The following PLEKHG3 variants were observed in gnomAD, a reference collection of about 807,000 sequenced individuals.
PLEKHG3 encodes pleckstrin homology and RhoGEF domain containing G3.
PLEKHG3 carries 62 observed loss-of-function variants against 94.9 expected under a neutral mutation model. The ratio of observed to expected loss-of-function variants is 0.65; its 90% CI spans 0.53 to 0.81. The LOEUF (loss-of-function observed/expected upper bound fraction) is 0.81, where lower values mean the gene tolerates loss of function less well. Among genes scored for constraint, PLEKHG3 ranks in the 30% least tolerant of loss-of-function variants. PLEKHG3 has a pLI of 0.00. For synonymous variants in PLEKHG3, 614 were observed against 654.0 expected (o/e 0.94, Z 0.93); for missense variants, 1,461 against 1,619.3 (o/e 0.90, Z 1.68).
chr14:64,746,874 T>C lies in PLEKHG3; in HGVS notation c.*3171T>C, dbSNP rs2081853021. Reference sequence around the variant, plus strand: ...GTTTGGGAATACTGTCAAAAGACTGTAGAGTAGAATAAGGAGAGAAAAAAA... The same window carrying C: ...GTTTGGGAATACTGTCAAAAGACTGCAGAGTAGAATAAGGAGAGAAAAAAA... On this transcript the variant is annotated 3_prime_UTR_variant, in exon 17 of 17. Coordinates refer to ENST00000247226, the MANE Select transcript of PLEKHG3 (RefSeq NM_001308147.2). This position sits in a 1 kb window ranked among gnomAD's most constrained non-coding sequence, Gnocchi z 4.9. 1 of 150,100 alleles carries C rather than the reference T, an allele frequency of 6.7e-6. No individual in the cohort carries two copies. Among genetic ancestry groups the C allele is most frequent in the Admixed American group, 6.6e-5 (1 of 15,104 alleles). The allele number at this position is 150,100 out of a possible 1,614,324, so 9.3% of individuals were successfully genotyped here.
chr14:64,737,368 G>C lies in PLEKHG3; in HGVS notation c.1397G>C (p.Gly466Ala), dbSNP rs1404403111. ...GTGATGTCTGCAGCCCGAGCAGCAGGAATGAAGGTAAAGGCCAGTGGGAGG... is the reference window on the plus strand; with the variant it reads ...GTGATGTCTGCAGCCCGAGCAGCAGCAATGAAGGTAAAGGCCAGTGGGAGG... ...RQLNEKARAA[G>A]MKGKGRRESE... Residue 466 changes from glycine to alanine, a missense_variant, in exon 14 of 17, where the codon GGA (glycine) becomes GCA (alanine). Transcript: ENST00000247226. The C allele has an allele frequency of 2.5e-6, 4 of 1,600,120 alleles. No individual in the cohort carries two copies. In the African/African-American group the frequency reaches 5.4e-5, roughly 21 times the overall value.
In PLEKHG3 at chr14:64,726,490, A is replaced by C. The variant is rs1378375895; in HGVS notation, c.-39-1103A>C. Among the ~76,000 whole-genome samples the C allele has an allele frequency of 2.0e-5, 3 of 152,160 alleles. No individual in the cohort carries two copies. The highest frequency in any genetic ancestry group is 7.2e-5 in the African/African-American group (3 of 41,420). ...TCTAAGGGGTGGGCATGGGTGTTGC[A>C]TGGGTGTCCCTGTCCTTCCCAAAGG... On this transcript the variant is annotated intron_variant, in intron 1 of 16. Coordinates refer to ENST00000247226, the MANE Select transcript of PLEKHG3 (RefSeq NM_001308147.2). The surrounding 1 kb of genome is among the most constrained non-coding windows in gnomAD (Gnocchi z 5.1).
At position 64,743,698 on chromosome 14, in the gene PLEKHG3, G is replaced by A. The variant is rs559791297; in HGVS notation, c.3655G>A (p.Gly1219Ser). Residue 1219 changes from glycine to serine, a missense_variant, in exon 17 of 17, where the codon GGT (glycine) becomes AGT (serine). Coordinates refer to ENST00000247226, the MANE Select transcript of PLEKHG3 (RefSeq NM_001308147.2). The surrounding 1 kb of genome is among the most constrained non-coding windows in gnomAD (Gnocchi z 7.2). Reference sequence around the variant, plus strand: ...GAAGTTCCAGGCCTTGAACTCTGTCGGTTGATGCTGACTCCTGGGGGAGGG... The same window carrying A: ...GAAGTTCCAGGCCTTGAACTCTGTCAGTTGATGCTGACTCCTGGGGGAGGG... ...REKFQALNSV[G>S] The A allele has an allele frequency of 2.8e-5, 43 of 1,544,040 alleles. No homozygotes were observed. The highest frequency in any genetic ancestry group is 3.1e-5 in the Non-Finnish European group (36 of 1,148,148).
intron 3 of PLEKHG3, among the ~76,000 whole-genome samples, chr14:64,729,468 A>G (rs1321124868): frequency 2.6e-5 from 4 of 152,074 alleles, no homozygotes; most frequent in African/African-American, 9.7e-5. Flanking sequence ...ACTGACCCCA[A>G]GGGCTCCCTG....
At chr14:64,736,503 C>G (rs1000334298) in intron 12 of PLEKHG3, among the ~76,000 whole-genome samples, 13 of 152,166 alleles carry the variant, frequency 8.5e-5, no homozygotes, top group African/African-American at 2.7e-4. Context: ...GGAGATGTTG[C>G]TAGTTGGTCT....
chr14:64,731,629 T>A lies in PLEKHG3; in HGVS notation c.1033-85T>A. 6.6e-7 allele frequency: 1 copy of A among 1,521,232 alleles called. No homozygotes were observed. Among genetic ancestry groups the A allele is most frequent in the Non-Finnish European group, 9.1e-7 (1 of 1,095,976 alleles). 94.2% of individuals were successfully genotyped at this position (1,521,232 alleles called of 1,614,324 possible). On this transcript the variant is annotated intron_variant, in intron 8 of 16. Transcript: ENST00000247226. This position sits in a 1 kb window ranked among gnomAD's most constrained non-coding sequence, Gnocchi z 6.1. ...CCCCTTCTTGTCTGCTTCTTGGGGC[T>A]CCAGCACCACCCTTCTGAGATCACC...
chr14:64,725,492 T>A lies in PLEKHG3; in HGVS notation c.-39-2101T>A, dbSNP rs1185290931. 6.6e-6 allele frequency among the ~76,000 whole-genome samples: 1 copy of A among 152,192 alleles called. No homozygotes were observed. The highest frequency in any genetic ancestry group is 1.9e-4 in the East Asian group (1 of 5,202). On this transcript the variant is annotated intron_variant, in intron 1 of 16. Coordinates refer to ENST00000247226, the MANE Select transcript of PLEKHG3 (RefSeq NM_001308147.2). The surrounding 1 kb of genome is among the most constrained non-coding windows in gnomAD (Gnocchi z 5.0). ...AGCTTGGGTTTTTATCTGTCAGTGCTGGAATGACATGGTGTTGCCCTGCCT... is the reference window on the plus strand; with the variant it reads ...AGCTTGGGTTTTTATCTGTCAGTGCAGGAATGACATGGTGTTGCCCTGCCT...
At position 64,732,025 on chromosome 14, in the gene PLEKHG3, A is replaced by G. The variant is rs2081476942; in HGVS notation, c.1126-70A>G. ...CCACTTTTTCTCCCTGGGTGGAAGC[A>G]CTGTCCATGCTAGACAGCTTCAGGC... On this transcript the variant is annotated intron_variant, in intron 9 of 16. Transcript: ENST00000247226. This position sits in a 1 kb window ranked among gnomAD's most constrained non-coding sequence, Gnocchi z 4.9. 5 of 1,172,268 alleles carry G rather than the reference A, an allele frequency of 4.3e-6. No homozygotes were observed. The South Asian group carries it at 4.9e-5, about 11-fold the overall frequency. The allele number at this position is 1,172,268 out of a possible 1,614,324, so 72.6% of individuals were successfully genotyped here. A position where few individuals can be genotyped will look rare whatever the true frequency, so the allele number is the denominator to read the frequency against.
chr14:64,716,505 A>ACACACACACACG lies in PLEKHG3; in HGVS notation c.-39-11077_-39-11076insGCACACACACAC, dbSNP rs2081162742. 7.9e-6 allele frequency among the ~76,000 whole-genome samples: 1 copy of ACACACACACACG among 126,780 alleles called. No homozygotes were observed. Among genetic ancestry groups the ACACACACACACG allele is most frequent in the African/African-American group, 3.2e-5 (1 of 30,894 alleles). 83.2% of individuals were successfully genotyped at this position (126,780 alleles called of 152,430 possible). A position where few individuals can be genotyped will look rare whatever the true frequency, so the allele number is the denominator to read the frequency against. ...CAACACACACACACACAACACACAC[A>ACACACACACACG]CACACACACACACACACACACACAC... On this transcript the variant is annotated intron_variant, in intron 1 of 16. Coordinates refer to ENST00000247226, the MANE Select transcript of PLEKHG3 (RefSeq NM_001308147.2). This position sits in a 1 kb window ranked among gnomAD's most constrained non-coding sequence, Gnocchi z 5.0.
At chr14:64,708,318 C>G (rs543300969) in intron 1 of PLEKHG3, among the ~76,000 whole-genome samples, 1 of 152,138 alleles carries the variant, frequency 6.6e-6, no homozygotes, top group African/African-American at 2.4e-5. Flanking sequence ...CCTGACCTCC[C>G]GACTCTGCCT....
In PLEKHG3 at chr14:64,728,858, T is replaced by G; in HGVS notation, c.352-138T>G. 1 of 510,748 alleles carries G rather than the reference T, an allele frequency of 2.0e-6. No individual in the cohort carries two copies. The highest frequency in any genetic ancestry group is 3.5e-6 in the Non-Finnish European group (1 of 285,418). The allele number at this position is 510,748 out of a possible 1,614,324, so 31.6% of individuals were successfully genotyped here. A position where few individuals can be genotyped will look rare whatever the true frequency, so the allele number is the denominator to read the frequency against. On this transcript the variant is annotated intron_variant, in intron 2 of 16. Coordinates refer to ENST00000247226, the MANE Select transcript of PLEKHG3 (RefSeq NM_001308147.2). This position sits in a 1 kb window ranked among gnomAD's most constrained non-coding sequence, Gnocchi z 5.9. ...TTCTGGGGTTCCAAGTGGACATGAATTTTGGGGTGGACACTGTCTCACAGT... is the reference window on the plus strand; with the variant it reads ...TTCTGGGGTTCCAAGTGGACATGAAGTTTGGGGTGGACACTGTCTCACAGT...
chr14:64,737,048 C>G, intron 13 of PLEKHG3, 157 bp downstream of exon 13: 1 of 708,510 alleles, frequency 1.4e-6, no homozygotes, highest in Non-Finnish European at 2.6e-6. Context: ...AGGGCCTCGC[C>G]CCTGGCTGGC....
chr14:64,731,207 TGG>T lies in PLEKHG3; in HGVS notation c.849+40_849+41del. ...TGGGACGCTGGGGGAGGGGCAGGGC[TGG>T]GTGGGCCAGGCTTCCGCTGGGAAGA... On this transcript the variant is annotated intron_variant, in intron 7 of 16. Transcript: ENST00000247226. This position sits in a 1 kb window ranked among gnomAD's most constrained non-coding sequence, Gnocchi z 6.1. 1 of 763,714 alleles carries T rather than the reference TGG, an allele frequency of 1.3e-6. No homozygotes were observed. Among genetic ancestry groups the T allele is most frequent in the Non-Finnish European group, 2.2e-6 (1 of 462,890 alleles). The allele number at this position is 763,714 out of a possible 1,614,324, so 47.3% of individuals were successfully genotyped here.
In PLEKHG3 at chr14:64,743,943, TA is replaced by T. The variant is rs2081775382; in HGVS notation, c.*243del. The stretch of plus-strand genomic sequence containing the variant: ...GAGGCCGGTGTGGCTGCTTCCCTTG[TA>T]AATAGTTGTTCTCTGGTAAGAAGCC... On this transcript the variant is annotated 3_prime_UTR_variant, in exon 17 of 17. Transcript: ENST00000247226. The surrounding 1 kb of genome is among the most constrained non-coding windows in gnomAD (Gnocchi z 7.2). The T allele has an allele frequency of 2.4e-6, 1 of 424,890 alleles. No individual in the cohort carries two copies. The highest frequency in any genetic ancestry group is 4.1e-5 in the Admixed American group (1 of 24,356). The allele number at this position is 424,890 out of a possible 1,614,324, so 26.3% of individuals were successfully genotyped here.
Position 64,722,749 on chromosome 14 carries a change from G to A in PLEKHG3, c.-39-4844G>A, listed in dbSNP as rs530278386. Among the ~76,000 whole-genome samples the A allele has an allele frequency of 9.2e-5, 14 of 152,298 alleles. No homozygotes were observed. In the South Asian group the frequency reaches 1.0e-3, roughly 11 times the overall value. ...TGGGGAGTCTGGTGTGCCCACCAGA[G>A]GGTTCACCCCCAAGTGTCCTCTTCC... On this transcript the variant is annotated intron_variant, in intron 1 of 16. Coordinates refer to ENST00000247226, the MANE Select transcript of PLEKHG3 (RefSeq NM_001308147.2). The surrounding 1 kb of genome is among the most constrained non-coding windows in gnomAD (Gnocchi z 4.3).
rs1167164031 is a variant in PLEKHG3 at position 64,744,888 on chromosome 14, TCTC to T, written c.*1186_*1188del. 6.6e-6 allele frequency: 1 copy of T among 151,572 alleles called. No individual in the cohort carries two copies. The highest frequency in any genetic ancestry group is 1.5e-5 in the Non-Finnish European group (1 of 67,942). 9.4% of individuals were successfully genotyped at this position (151,572 alleles called of 1,614,324 possible). A position where few individuals can be genotyped will look rare whatever the true frequency, so the allele number is the denominator to read the frequency against. On this transcript the variant is annotated 3_prime_UTR_variant, in exon 17 of 17. Coordinates refer to ENST00000247226, the MANE Select transcript of PLEKHG3 (RefSeq NM_001308147.2). ...TCCCAGGTTCAAGCAATTCTCGTTG[TCTC>T]AGCCTCCCAGGTCGCTGGGACTACA...
chr14:64,730,121 C>T lies in PLEKHG3; in HGVS notation c.450-122C>T, dbSNP rs758189979. On this transcript the variant is annotated intron_variant, in intron 3 of 16. Coordinates refer to ENST00000247226, the MANE Select transcript of PLEKHG3 (RefSeq NM_001308147.2). This position sits in a 1 kb window ranked among gnomAD's most constrained non-coding sequence, Gnocchi z 5.4. Reference sequence around the variant, plus strand: ...GGACTCCCTCTGAGGCTAGAAGCCCCAGTTCTTTAGCAAAGCAATAGGGCT... The same window carrying T: ...GGACTCCCTCTGAGGCTAGAAGCCCTAGTTCTTTAGCAAAGCAATAGGGCT... 1 of 624,396 alleles carries T rather than the reference C, an allele frequency of 1.6e-6. No homozygotes were observed. Among genetic ancestry groups the T allele is most frequent in the East Asian group, 2.8e-5 (1 of 36,308 alleles). 38.7% of individuals were successfully genotyped at this position (624,396 alleles called of 1,614,324 possible). A position where few individuals can be genotyped will look rare whatever the true frequency, so the allele number is the denominator to read the frequency against.
rs1231411905 is a variant in PLEKHG3, at chr14:64,715,541, C to G, written c.-40+10837C>G. 6.6e-6 allele frequency among the ~76,000 whole-genome samples: 1 copy of G among 152,194 alleles called. No homozygotes were observed. Among genetic ancestry groups the G allele is most frequent in the Non-Finnish European group, 1.5e-5 (1 of 68,022 alleles). On this transcript the variant is annotated intron_variant, in intron 1 of 16. Transcript: ENST00000247226. The surrounding 1 kb of genome is among the most constrained non-coding windows in gnomAD (Gnocchi z 4.4). ...TGACCTGTAAAATAGGGATGGCCAC[C>G]TGCCTTTCCTCTCTGCCCCCACTAT...
chr14:64,723,987 T>A lies in PLEKHG3; in HGVS notation c.-39-3606T>A, dbSNP rs2081308799. 6.6e-6 allele frequency: 1 copy of A among 152,196 alleles called. No individual in the cohort carries two copies. Among genetic ancestry groups the A allele is most frequent in the African/African-American group, 2.4e-5 (1 of 41,400 alleles). The allele number at this position is 152,196 out of a possible 1,614,324, so 9.4% of individuals were successfully genotyped here. ...GTTGCTGCCTGCCTCATCACCTCCTTCTCTGGCCTCCTACTTCCCTAGCAG... is the reference window on the plus strand; with the variant it reads ...GTTGCTGCCTGCCTCATCACCTCCTACTCTGGCCTCCTACTTCCCTAGCAG... On this transcript the variant is annotated intron_variant, in intron 1 of 16. Coordinates refer to ENST00000247226, the MANE Select transcript of PLEKHG3 (RefSeq NM_001308147.2). The surrounding 1 kb of genome is among the most constrained non-coding windows in gnomAD (Gnocchi z 4.5).
Sources: gnomAD v4.1 joint callset for allele counts (sites outside exome capture counted in the v4.1 genomes callset) on GRCh38, gnomAD v4.1.1 for gene constraint, Gnocchi (gnomAD v3.1) non-coding constraint, MANE v1.5 for transcripts, NCBI Gene and HGNC (gene_info 2026-07-23, HGNC 2026-07-21) for gene names.